Variants in IMMP2L observed in about 807,000 individuals in gnomAD.
IMMP2L encodes the protein inner mitochondrial membrane peptidase subunit 2.
A neutral mutation model predicts 19.3 loss-of-function variants in IMMP2L; 18 were observed. The ratio of observed to expected loss-of-function variants is 0.93; its 90% CI spans 0.64 to 1.38. The LOEUF is 1.38. IMMP2L is among the 40% of genes most tolerant of loss of function. The pLI is 0.00. For synonymous variants in IMMP2L, 76 were observed against 73.0 expected (o/e 1.04, Z -0.21); for missense variants, 233 against 218.2 (o/e 1.07, Z -0.43).
chr7:111,256,391 A>G (rs1180676683), intron 3 of IMMP2L, among the ~76,000 whole-genome samples: 1 of 152,084 alleles, frequency 6.6e-6, no homozygotes, highest in South Asian at 2.1e-4. Flanking sequence ...TATTTTCTAC[A>G]TATAACACTG....
chr7:110,918,549 G>C (rs889151198), intron 4 of IMMP2L, among the ~76,000 whole-genome samples: 4 of 150,186 alleles, frequency 2.7e-5, no homozygotes, highest in Non-Finnish European at 5.9e-5. Context: ...TCTGCCTCCA[G>C]GGTTCAAGTG....
intron 5 of IMMP2L, among the ~76,000 whole-genome samples, chr7:110,706,574 T>G (rs1794696247): frequency 6.6e-6 from 1 of 152,204 alleles, no homozygotes; most frequent in Admixed American, 6.5e-5. Context: ...GATATCTCAC[T>G]GTGGTTTTGA....
chr7:111,027,717 A>G (rs1213123979), intron 3 of IMMP2L, among the ~76,000 whole-genome samples: 2 of 152,114 alleles, frequency 1.3e-5, no homozygotes, highest in Non-Finnish European at 2.9e-5. Context: ...TTGAGTATCT[A>G]CTATGTACAG....
chr7:111,001,120 G>C (rs998673836), intron 3 of IMMP2L, among the ~76,000 whole-genome samples: 1 of 152,138 alleles, frequency 6.6e-6, no homozygotes, highest in Non-Finnish European at 1.5e-5. Flanking sequence ...GTAAACCTCT[G>C]CATGTAGAAT....
chr7:110,732,163 AAGGGGGT>A (rs1796312930), intron 5 of IMMP2L, among the ~76,000 whole-genome samples: 1 of 152,090 alleles, frequency 6.6e-6, no homozygotes, highest in African/African-American at 2.4e-5. Flanking sequence ...TATCCTGGGG[AAGGGGGT>A]AGTGGGTAGA....
intron 3 of IMMP2L, among the ~76,000 whole-genome samples, chr7:111,338,140 G>A (rs1040656720): frequency 6.6e-6 from 1 of 152,112 alleles, no homozygotes; most frequent in African/African-American, 2.4e-5. Flanking sequence ...CTATGGTAGA[G>A]AAGAGAAAGT....
intron 3 of IMMP2L, among the ~76,000 whole-genome samples, chr7:111,409,780 C>T (rs1181877068): frequency 1.3e-5 from 2 of 151,674 alleles, no homozygotes; most frequent in Admixed American, 6.6e-5. Flanking sequence ...AAATCCTATA[C>T]ATAACTAGAA....
intron 3 of IMMP2L, among the ~76,000 whole-genome samples, chr7:111,274,953 C>G (rs1402082200): frequency 6.6e-6 from 1 of 152,174 alleles, no homozygotes; most frequent in Non-Finnish European, 1.5e-5. Flanking sequence ...GCTCTGTCTG[C>G]TTGACATCTT....
chr7:111,149,856 G>C (rs544821620), intron 3 of IMMP2L, among the ~76,000 whole-genome samples: 1 of 152,202 alleles, frequency 6.6e-6, no homozygotes, highest in South Asian at 2.1e-4. Context: ...TTATGTTCAA[G>C]ATTACCTTTC....
Position 110,881,757 on chromosome 7 carries a change from T to G in IMMP2L, c.408+4836A>C, listed in dbSNP as rs151164520. Among the ~76,000 whole-genome samples the G allele has an allele frequency of 4.1e-3, 629 of 152,336 alleles. 4 individuals are homozygous for G. The highest frequency in any genetic ancestry group is 0.015 in the African/African-American group (611 of 41,576). ...ATTCTCGTGTATCACAAGATTATTC[T>G]GTATTGTACAGGCAGAATATTTTCA... On this transcript the variant is annotated intron_variant, in intron 5 of 5. Transcript: ENST00000405709.
chr7:110,758,456 G>A lies in IMMP2L; in HGVS notation c.409-94735C>T, dbSNP rs1319862696. ...ATCTTATAGACAGGATAATATTGATGACTCAGGAGAGAGCATAAGAATTGC... is the reference window on the plus strand; with the variant it reads ...ATCTTATAGACAGGATAATATTGATAACTCAGGAGAGAGCATAAGAATTGC... On this transcript the variant is annotated intron_variant, in intron 5 of 5. Coordinates refer to ENST00000405709, the MANE Select transcript of IMMP2L (RefSeq NM_032549.4). This position sits in a 1 kb window ranked among gnomAD's most constrained non-coding sequence, Gnocchi z 4.6. Among the ~76,000 whole-genome samples, 5 of 152,092 alleles carry A rather than the reference G, an allele frequency of 3.3e-5. No individual in the cohort carries two copies. The highest frequency in any genetic ancestry group is 7.4e-5 in the Non-Finnish European group (5 of 68,002).
chr7:111,263,020 A>T (rs1587117298), intron 3 of IMMP2L, among the ~76,000 whole-genome samples: 1 of 152,088 alleles, frequency 6.6e-6, no homozygotes, highest in Admixed American at 6.6e-5. Context: ...GAATGGGAGG[A>T]GAATCATAAA....
chr7:111,309,519 G>C (rs760671623), intron 3 of IMMP2L, among the ~76,000 whole-genome samples: 5 of 152,020 alleles, frequency 3.3e-5, no homozygotes, highest in Non-Finnish European at 5.9e-5. Flanking sequence ...TCAAAGAATT[G>C]ATACTTTTTC....
chr7:111,492,219 A>C (rs751131888), intron 2 of IMMP2L: 2 of 183,310 alleles, frequency 1.1e-5, no homozygotes. Context: ...TAGTGGAAAG[A>C]ATTTAAAAAA....
At chr7:111,239,768 A>G (rs1814782560) in intron 3 of IMMP2L, among the ~76,000 whole-genome samples, 1 of 151,938 alleles carries the variant, frequency 6.6e-6, no homozygotes, top group Non-Finnish European at 1.5e-5. Flanking sequence ...ATGTAGGGGG[A>G]AAAATGAGCC....
chr7:111,186,894 C>T (rs900150109), intron 3 of IMMP2L, among the ~76,000 whole-genome samples: 9 of 151,958 alleles, frequency 5.9e-5, no homozygotes, highest in African/African-American at 2.2e-4. Flanking sequence ...CTTTTGAAAA[C>T]TGTTTCCCTA....
intron 3 of IMMP2L, among the ~76,000 whole-genome samples, chr7:111,478,290 TCA>T (rs1585267985): frequency 6.6e-6 from 1 of 152,192 alleles, no homozygotes; most frequent in Non-Finnish European, 1.5e-5. Flanking sequence ...TTCATTTCAG[TCA>T]CAGTTTTTAT....
chr7:111,087,716 T>C (rs1796478784), intron 3 of IMMP2L, among the ~76,000 whole-genome samples: 1 of 152,052 alleles, frequency 6.6e-6, no homozygotes, highest in South Asian at 2.1e-4. Context: ...ACAGAAACAA[T>C]TATAATACCA....
At chr7:111,306,697 T>C (rs1295357090) in intron 3 of IMMP2L, among the ~76,000 whole-genome samples, 1 of 151,128 alleles carries the variant, frequency 6.6e-6, no homozygotes, top group African/African-American at 2.4e-5. Context: ...TGGGAAGCTG[T>C]AATGATGAGA....
Sources: allele counts gnomAD v4.1 joint callset (sites outside exome capture counted in the v4.1 genomes callset), GRCh38; gene constraint gnomAD v4.1.1; non-coding constraint Gnocchi (gnomAD v3.1); transcripts MANE v1.5; gene names NCBI Gene and HGNC (gene_info 2026-07-23, HGNC 2026-07-21).